Variants in CPT1C observed in about 807,000 individuals in gnomAD.
CPT1C encodes the protein palmitoyl thioesterase CPT1C.
CPT1C carries 61 observed loss-of-function variants against 97.3 expected under a neutral mutation model. That is an observed-to-expected ratio of 0.63 (90% CI 0.51 to 0.78). The LOEUF (loss-of-function observed/expected upper bound fraction) is 0.78, where lower values mean the gene tolerates loss of function less well. Ranked by LOEUF, CPT1C falls within the 30% of genes least tolerant of loss-of-function variation. The pLI, the probability that CPT1C is intolerant of heterozygous loss-of-function variation, is 0.00. For synonymous variants in CPT1C, 469 were observed against 447.2 expected (o/e 1.05, Z -0.61); for missense variants, 975 against 1,065.5 (o/e 0.92, Z 1.18).
chr19:49,695,978 G>A (rs1048582205), intron 3 of CPT1C, among the ~76,000 whole-genome samples: 2 of 152,060 alleles, frequency 1.3e-5, no homozygotes, highest in African/African-American at 4.8e-5. Flanking sequence ...CTGGGTTTAA[G>A]CAATTTTTCT....
rs2083784549 is a variant in CPT1C at position 49,710,362 on chromosome 19, TTGTCTGAAAATGTC to T, written c.1610_1623del (p.Leu537Ter). The T allele has an allele frequency of 2.5e-6, 4 of 1,614,174 alleles. No homozygotes were observed. In the East Asian group the frequency reaches 8.9e-5, roughly 36 times the overall value. On this transcript the variant is annotated frameshift_variant, in exon 15 of 20. Coordinates refer to ENST00000598293, the MANE Select transcript of CPT1C (RefSeq NM_001199753.2). LOFTEE classifies it high-confidence loss of function. Reference sequence around the variant, plus strand: ...TCTAGCCCTGAGGGGAGCCAAGATCTTGTCTGAAAATGTCGACTGCCATGTCGTTCCATTCTCCC... The same window carrying T: ...TCTAGCCCTGAGGGGAGCCAAGATCTGACTGCCATGTCGTTCCATTCTCCC...
chr19:49,705,041 C>T lies in CPT1C; in HGVS notation c.806C>T (p.Ala269Val). The T allele has an allele frequency of 6.2e-7, 1 of 1,609,076 alleles. No individual in the cohort carries two copies. The highest frequency in any genetic ancestry group is 8.5e-7 in the Non-Finnish European group (1 of 1,176,552). Residue 269 changes from alanine to valine, a missense_variant, in exon 9 of 20, where the codon GCA (alanine) becomes GTA (valine). By Grantham distance (64) the Ala-to-Val change is moderately conservative (BLOSUM62 0). Transcript: ENST00000598293. Reference sequence around the variant, plus strand: ...TATGTCACACCCACGCCTCTGCAGGCAGCTCGCGCTGGGAATGCCGTCCAT... The same window carrying T: ...TATGTCACACCCACGCCTCTGCAGGTAGCTCGCGCTGGGAATGCCGTCCAT... ...FLYVTPTPLQ[A>V]ARAGNAVHAL...
intron 17 of CPT1C, chr19:49,712,466 A>G: frequency 2.1e-6 from 1 of 467,484 alleles, no homozygotes; most frequent in Non-Finnish European, 3.9e-6. Context: ...ACAAAAGGGG[A>G]GAGGGTCAGT....
intron 7 of CPT1C, 77 bp downstream of exon 7, chr19:49,701,711 T>C: frequency 1.4e-6 from 2 of 1,458,562 alleles, no homozygotes; most frequent in Non-Finnish European, 1.8e-6. Context: ...TTGCGAGTTA[T>C]ACGCCCTGCC....
intron 17 of CPT1C, chr19:49,712,500 C>T (rs1173744504): frequency 3.6e-6 from 2 of 548,906 alleles, no homozygotes; most frequent in Non-Finnish European, 3.3e-6. Flanking sequence ...GAGGAAAGGG[C>T]GTGGTCAGAG....
In CPT1C at chr19:49,713,697, C is replaced by A. The variant is rs770700729; in HGVS notation, c.*92C>A. The A allele has an allele frequency of 2.5e-6, 3 of 1,212,628 alleles. No homozygotes were observed. The highest frequency in any genetic ancestry group is 3.5e-6 in the Non-Finnish European group (3 of 855,128). The allele number at this position is 1,212,628 out of a possible 1,614,324, so 75.1% of individuals were successfully genotyped here. ...GGACAGGGGCAACTGGTTTGGCAACCCCACATCCAGGCCAATAAAGATGTG... is the reference window on the plus strand; with the variant it reads ...GGACAGGGGCAACTGGTTTGGCAACACCACATCCAGGCCAATAAAGATGTG... On this transcript the variant is annotated 3_prime_UTR_variant, in exon 20 of 20. Transcript: ENST00000598293.
At chr19:49,712,538 A>C in intron 17 of CPT1C, 198 bp from the exon 18 acceptor site, 1 of 582,718 alleles carries the variant, frequency 1.7e-6, no homozygotes, top group Non-Finnish European at 3.1e-6. Flanking sequence ...GGAGAAGAGG[A>C]GAGGGACGTG....
Position 49,692,235 on chromosome 19 carries a change from T to C in CPT1C, c.-14-4T>C, listed in dbSNP as rs1176633391. The C allele has an allele frequency of 1.2e-6, 2 of 1,612,674 alleles. No homozygotes were observed. Among genetic ancestry groups the C allele is most frequent in the Admixed American group, 3.3e-5 (2 of 59,988 alleles). On this transcript the variant is annotated splice_region_variant and splice_polypyrimidine_tract_variant and intron_variant, in intron 2 of 19. Coordinates refer to ENST00000598293, the MANE Select transcript of CPT1C (RefSeq NM_001199753.2). ...GTCCTGAAGTATGACTCTGCCCGAC[T>C]CAGGGCTCCAGCGTGACATGGCTGA...
At chr19:49,704,904 C>A (rs1359852733) in intron 8 of CPT1C, 103 bp from the exon 9 acceptor site, 14 of 1,386,370 alleles carry the variant, frequency 1.0e-5, no homozygotes, top group Non-Finnish European at 1.4e-5. Flanking sequence ...TGGGATTCAT[C>A]ATTCCACCCT....
intron 14 of CPT1C, among the ~76,000 whole-genome samples, chr19:49,709,708 C>A (rs2083731420): frequency 6.6e-6 from 1 of 151,956 alleles, no homozygotes; most frequent in Admixed American, 6.6e-5. Flanking sequence ...GTGCCCACTA[C>A]CACACCCGGC....
At chr19:49,705,171 C>T (rs747927748) in intron 9 of CPT1C, 43 bp from the exon 10 acceptor site, 179 of 1,613,414 alleles carry the variant, frequency 1.1e-4, no homozygotes, top group Admixed American at 2.2e-4. Flanking sequence ...CTTTGGGCCA[C>T]GTGGGTCCTG....
Position 49,692,377 on chromosome 19 carries a change from A to ATC in CPT1C, c.130_131dup (p.Arg45HisfsTer38), listed in dbSNP as rs749407344. The ATC allele has an allele frequency of 6.2e-7, 1 of 1,614,088 alleles. No homozygotes were observed. The highest frequency in any genetic ancestry group is 2.2e-5 in the East Asian group (1 of 44,876). ...TCTGGCCTGCGCTCCTGGAAAAGGC[A>ATC]TCTCTCACGTTTCTGGGTGAGGAGC... On this transcript the variant is annotated frameshift_variant, in exon 3 of 20. Transcript: ENST00000598293. LOFTEE classifies it high-confidence loss of function.
intron 10 of CPT1C, 60 bp downstream of exon 10, chr19:49,705,358 T>G (rs2083442106): frequency 7.2e-7 from 1 of 1,385,156 alleles, no homozygotes; most frequent in Admixed American, 2.2e-5. Flanking sequence ...TAAGAGCATG[T>G]TTTCTGGAGT....
In CPT1C at chr19:49,702,613, CTG is replaced by C. The variant is rs1474559304; in HGVS notation, c.693+981_693+982del. The stretch of plus-strand genomic sequence containing the variant: ...TCGGCCTGGGCCACAGAGCAAGACT[CTG>C]TCTCAAAAAAAAAAAAAGAAAAGAA... On this transcript the variant is annotated intron_variant, in intron 7 of 19. Transcript: ENST00000598293. Among the ~76,000 whole-genome samples, 16 of 142,614 alleles carry C rather than the reference CTG, an allele frequency of 1.1e-4. 2 individuals are homozygous for C. Among genetic ancestry groups the C allele is most frequent in the African/African-American group, 4.2e-4 (16 of 38,180 alleles). 93.6% of individuals were successfully genotyped at this position (142,614 alleles called of 152,430 possible).
At chr19:49,711,539 C>T (rs1032450734) in intron 16 of CPT1C, 1 of 502,778 alleles carries the variant, frequency 2.0e-6, no homozygotes, top group Admixed American at 3.6e-5. Flanking sequence ...CTACACCTAG[C>T]CCCGCACCTA....
chr19:49,710,655 G>A, intron 15 of CPT1C, 68 bp from the exon 16 acceptor site: 7 of 1,587,772 alleles, frequency 4.4e-6, no homozygotes, highest in Non-Finnish European at 6.0e-6. Context: ...TCTGGACAGA[G>A]ATAGGTCAAG....
intron 15 of CPT1C, 57 bp from the exon 16 acceptor site, chr19:49,710,666 T>G: frequency 6.3e-7 from 1 of 1,592,264 alleles, no homozygotes; most frequent in Non-Finnish European, 8.6e-7. Flanking sequence ...ATAGGTCAAG[T>G]CTGTAAGATC....
At chr19:49,701,879 AATATATATATTTATT>A (rs2083091383) in intron 7 of CPT1C, among the ~76,000 whole-genome samples, 1 of 107,562 alleles carries the variant, frequency 9.3e-6, no homozygotes, top group African/African-American at 3.6e-5. Flanking sequence ...TGTATATATA[AATATATATATTTATT>A]TATAAATATA....
intron 4 of CPT1C, 82 bp from the exon 5 acceptor site, chr19:49,700,602 C>T (rs776254302): frequency 4.1e-5 from 61 of 1,478,598 alleles, no homozygotes; most frequent in Non-Finnish European, 4.6e-5. Context: ...AAAAGATCAG[C>T]GCAGGGGCTG....
Sources: gnomAD v4.1 joint callset for allele counts (sites outside exome capture counted in the v4.1 genomes callset) on GRCh38, gnomAD v4.1.1 for gene constraint, MANE v1.5 for transcripts, NCBI Gene and HGNC (gene_info 2026-07-23, HGNC 2026-07-21) for gene names.